The following RALGAPA1 variants were observed in gnomAD, a reference collection of about 807,000 sequenced individuals.
RALGAPA1 encodes the protein ral GTPase-activating protein subunit alpha-1.
Under a neutral mutation model 269.6 loss-of-function variants are expected in RALGAPA1, and 52 were observed. The ratio of observed to expected loss-of-function variants is 0.19; its 90% CI spans 0.15 to 0.24. The LOEUF is 0.24. Among genes scored for constraint, RALGAPA1 ranks in the 10% least tolerant of loss-of-function variants. The pLI, the probability that RALGAPA1 is intolerant of heterozygous loss-of-function variation, is 1.00. For missense variants in RALGAPA1, 1,917 were observed against 3,013.9 expected, an observed-to-expected ratio of 0.64 and a Z score of 8.52; for synonymous variants, 817 against 1,008.3, an observed-to-expected ratio of 0.81 and a Z score of 3.60.
chr14:35,670,723 G>T (rs2064336791), intron 26 of RALGAPA1, among the ~76,000 whole-genome samples: 1 of 152,182 alleles, frequency 6.6e-6, no homozygotes, highest in South Asian at 2.1e-4. Context: ...AGGAGTTCGA[G>T]ACCAGCCTGA....
chr14:35,724,406 G>C (rs1032699882), intron 14 of RALGAPA1, among the ~76,000 whole-genome samples: 1 of 151,964 alleles, frequency 6.6e-6, no homozygotes, highest in Non-Finnish European at 1.5e-5. Context: ...TGTATTTCAT[G>C]TATCATCTTA....
At chr14:35,646,665 C>T (rs1258858295) in intron 31 of RALGAPA1, among the ~76,000 whole-genome samples, 2 of 151,934 alleles carry the variant, frequency 1.3e-5, no homozygotes, top group Non-Finnish European at 2.9e-5. Flanking sequence ...TTTCTTTTGC[C>T]CTACAGGATG....
chr14:35,760,280 C>T (rs755439949), intron 6 of RALGAPA1, among the ~76,000 whole-genome samples: 1 of 152,122 alleles, frequency 6.6e-6, no homozygotes, highest in South Asian at 2.1e-4. Context: ...TTCCTAGAGA[C>T]AGTAAGTGAC....
At chr14:35,576,136 C>T (rs1325742878) in intron 37 of RALGAPA1, among the ~76,000 whole-genome samples, 1 of 152,108 alleles carries the variant, frequency 6.6e-6, no homozygotes, top group African/African-American at 2.4e-5. Context: ...GGGTTATTGT[C>T]TCAGTTTACT....
chr14:35,575,680 CGCCTCCCAGGTTCAAGCGATTATCTT>C (rs2057509469), intron 37 of RALGAPA1, among the ~76,000 whole-genome samples: 1 of 152,108 alleles, frequency 6.6e-6, no homozygotes, highest in Non-Finnish European at 1.5e-5. Flanking sequence ...CTGCAACCTC[CGCCTCCCAGGTTCAAGCGATTATCTT>C]GCCTCAGCTT....
At chr14:35,617,516 T>A (rs1594831686) in intron 35 of RALGAPA1, among the ~76,000 whole-genome samples, 2 of 150,514 alleles carry the variant, frequency 1.3e-5, no homozygotes, top group South Asian at 4.2e-4. Context: ...TACTCAGGAG[T>A]CTGAGGCAGG....
chr14:35,628,815 A>G (rs2061146498), intron 33 of RALGAPA1, among the ~76,000 whole-genome samples: 1 of 152,222 alleles, frequency 6.6e-6, no homozygotes, highest in South Asian at 2.1e-4. Context: ...AGTTGTATGC[A>G]AGAAATATTT....
chr14:35,795,434 G>A (rs1013512912), intron 1 of RALGAPA1, among the ~76,000 whole-genome samples: 2 of 152,168 alleles, frequency 1.3e-5, no homozygotes, highest in African/African-American at 4.8e-5. Flanking sequence ...GAACCATGCT[G>A]AAGTATTGGA....
chr14:35,792,394 C>T (rs974057799), intron 1 of RALGAPA1, among the ~76,000 whole-genome samples: 7 of 151,938 alleles, frequency 4.6e-5, no homozygotes, highest in African/African-American at 9.6e-5. Flanking sequence ...TGACCTCAAG[C>T]GATCCACCCG....
chr14:35,648,367 G>A (rs773540004), intron 31 of RALGAPA1, among the ~76,000 whole-genome samples: 2 of 151,156 alleles, frequency 1.3e-5, no homozygotes, highest in African/African-American at 4.9e-5. Context: ...TCAGGAGGCT[G>A]AGGCAGGAGA....
At position 35,742,358 on chromosome 14, in the gene RALGAPA1, A is replaced by G. The variant is rs765282332; in HGVS notation, c.1449+10T>C. On this transcript the variant is annotated intron_variant, in intron 11 of 41. Coordinates refer to ENST00000680220, the MANE Select transcript of RALGAPA1 (RefSeq NM_001346249.2). ...ACTAACACTAAAATATATAAATCTT[A>G]TAACTTCACCTCTTCTCTTTTTTCT... 3 of 1,560,344 alleles carry G rather than the reference A, an allele frequency of 1.9e-6. No homozygotes were observed. The highest frequency in any genetic ancestry group is 2.3e-5 in the East Asian group (1 of 43,020).
chr14:35,685,266 G>A (rs2065819620), intron 19 of RALGAPA1, 121 bp from the exon 20 acceptor site: 2 of 854,306 alleles, frequency 2.3e-6, no homozygotes, highest in South Asian at 1.8e-5. Flanking sequence ...AAGTAGGAGT[G>A]GAGAACACAC....
intron 10 of RALGAPA1, among the ~76,000 whole-genome samples, chr14:35,747,962 T>C (rs1483002413): frequency 6.6e-6 from 1 of 152,012 alleles, no homozygotes; most frequent in African/African-American, 2.4e-5. Flanking sequence ...CAGAATGCCT[T>C]AGAGGACAAA....
chr14:35,562,116 T>C (rs2056307277), intron 39 of RALGAPA1, among the ~76,000 whole-genome samples: 1 of 152,224 alleles, frequency 6.6e-6, no homozygotes, highest in South Asian at 2.1e-4. Context: ...AATTTGTCCA[T>C]GATATTTAAG....
At chr14:35,631,621 G>A (rs1594894741) in intron 33 of RALGAPA1, among the ~76,000 whole-genome samples, 1 of 152,096 alleles carries the variant, frequency 6.6e-6, no homozygotes, top group Non-Finnish European at 1.5e-5. Context: ...AAGGGAAAGA[G>A]TATAATTGAA....
intron 16 of RALGAPA1, among the ~76,000 whole-genome samples, chr14:35,706,132 T>A (rs577831344): frequency 1.8e-4 from 27 of 152,344 alleles, no homozygotes; most frequent in African/African-American, 6.5e-4. Flanking sequence ...AGCAGAAGTT[T>A]TAAATTTAAT....
chr14:35,646,352 T>C (rs1353045992), intron 31 of RALGAPA1, among the ~76,000 whole-genome samples: 1 of 152,216 alleles, frequency 6.6e-6, no homozygotes, highest in Non-Finnish European at 1.5e-5. Flanking sequence ...ACCTTAATCA[T>C]TTGACTGAAG....
intron 4 of RALGAPA1, among the ~76,000 whole-genome samples, chr14:35,768,901 G>A (rs1207164504): frequency 8.0e-5 from 12 of 149,378 alleles, no homozygotes; most frequent in East Asian, 2.0e-4. Flanking sequence ...CCAGCTACTC[G>A]GGAGGCTGAG....
In RALGAPA1 at chr14:35,659,597, A is replaced by C. The variant is rs144050746; in HGVS notation, c.5329-401T>G. Among the ~76,000 whole-genome samples the C allele has an allele frequency of 8.0e-4, 122 of 152,248 alleles. No individual in the cohort carries two copies. The East Asian group carries it at 0.017, about 21-fold the overall frequency. ...AAACATTTCCAAAATATTGAAGATG[A>C]GTGAATACTTCAAAACTCATTTTAA... On this transcript the variant is annotated intron_variant, in intron 27 of 41. Transcript: ENST00000680220.
Sources: gnomAD v4.1 joint callset for allele counts (sites outside exome capture counted in the v4.1 genomes callset) on GRCh38, gnomAD v4.1.1 for gene constraint, MANE v1.5 for transcripts, NCBI Gene and HGNC (gene_info 2026-07-23, HGNC 2026-07-21) for gene names.